The following MBD5 variants were observed in gnomAD, a reference collection of about 807,000 sequenced individuals.
MBD5 encodes methyl-CpG binding domain protein 5.
MBD5 carries 13 observed loss-of-function variants against 117.3 expected under a neutral mutation model. That is an observed-to-expected ratio of 0.11 (90% CI 0.07 to 0.18). The LOEUF (loss-of-function observed/expected upper bound fraction) is 0.18. Ranked by LOEUF, MBD5 falls within the 10% of genes least tolerant of loss-of-function variation. The probability of loss-of-function intolerance (pLI) is 1.00; values close to 1 mark genes in which losing one functional copy is unlikely to be tolerated. For missense variants in MBD5, 1,879 were observed against 2,093.8 expected (o/e 0.90, Z 2.00); for synonymous variants, 727 against 766.4 (o/e 0.95, Z 0.85).
chr2:148,274,730 T>G (rs28647742), intron 3 of MBD5, among the ~76,000 whole-genome samples: 1,925 of 151,508 alleles, frequency 0.013, 40 homozygotes, highest in African/African-American at 0.044. Context: ...TTTTTGTTTT[T>G]TTTTTTTTTG....
rs531193469 is a variant in MBD5, at chr2:148,261,357, G to C, written c.-680+27962G>C. On this transcript the variant is annotated intron_variant, in intron 3 of 13. Transcript: ENST00000642680. ...GAAAATCTGTTGTTTGTTCATCAAT[G>C]ATCTTAGCTAGATCTTCTAGATAAC... Among the ~76,000 whole-genome samples, 7 of 152,312 alleles carry C rather than the reference G, an allele frequency of 4.6e-5. No individual in the cohort carries two copies. In the South Asian group the frequency reaches 1.2e-3, roughly 27 times the overall value.
intron 2 of MBD5, among the ~76,000 whole-genome samples, chr2:148,197,351 T>TG (rs995572881): frequency 1.3e-5 from 2 of 152,134 alleles, no homozygotes; most frequent in African/African-American, 4.8e-5. Context: ...AAACTATCCC[T>TG]GCTGAACTCT....
At chr2:148,122,895 G>A (rs575679292) in intron 1 of MBD5, among the ~76,000 whole-genome samples, 5 of 152,258 alleles carry the variant, frequency 3.3e-5, no homozygotes, top group East Asian at 3.9e-4. Flanking sequence ...TACTTTCACT[G>A]TTGCCTTCTT....
intron 8 of MBD5, among the ~76,000 whole-genome samples, chr2:148,482,254 A>C (rs1161035308): frequency 6.6e-6 from 1 of 152,158 alleles, no homozygotes; most frequent in Non-Finnish European, 1.5e-5. Flanking sequence ...AAGAAGTGTT[A>C]ATAAGAATAA....
intron 1 of MBD5, among the ~76,000 whole-genome samples, chr2:148,110,848 A>C (rs933513395): frequency 6.6e-6 from 1 of 151,814 alleles, no homozygotes; most frequent in African/African-American, 2.4e-5. Flanking sequence ...TTTGTCTTCT[A>C]ACCCTCTTTT....
intron 11 of MBD5, among the ~76,000 whole-genome samples, chr2:148,496,294 A>G (rs1275216499): frequency 1.3e-5 from 2 of 152,222 alleles, no homozygotes; most frequent in Non-Finnish European, 1.5e-5. Flanking sequence ...CCAGGCCAAT[A>G]AAGTCAATTC....
intron 3 of MBD5, among the ~76,000 whole-genome samples, chr2:148,259,080 A>G (rs1700669466): frequency 6.6e-6 from 1 of 152,098 alleles, no homozygotes; most frequent in Non-Finnish European, 1.5e-5. Context: ...CCTGCTGCAT[A>G]CCCATCTCCC....
intron 2 of MBD5, among the ~76,000 whole-genome samples, chr2:148,232,188 G>A (rs1001703071): frequency 3.3e-5 from 5 of 152,200 alleles, no homozygotes; most frequent in Non-Finnish European, 5.9e-5. Flanking sequence ...TACAGAATAC[G>A]AAACAAGAGG....
chr2:148,211,273 A>G (rs1699415906), intron 2 of MBD5, among the ~76,000 whole-genome samples: 1 of 151,918 alleles, frequency 6.6e-6, no homozygotes, highest in African/African-American at 2.4e-5. Context: ...TCATTTTTCT[A>G]GTTGGATCTT....
chr2:148,148,968 T>G (rs901086480), intron 1 of MBD5, among the ~76,000 whole-genome samples: 5 of 152,198 alleles, frequency 3.3e-5, no homozygotes, highest in African/African-American at 1.2e-4. Flanking sequence ...CTTTAAGTTT[T>G]ACGGTACATG....
chr2:148,237,154 A>G (rs908513384), intron 3 of MBD5, among the ~76,000 whole-genome samples: 1 of 152,232 alleles, frequency 6.6e-6, no homozygotes, highest in African/African-American at 2.4e-5. Flanking sequence ...TATCCATGCC[A>G]CTAAAAGTTT....
intron 4 of MBD5, among the ~76,000 whole-genome samples, chr2:148,376,272 C>CTTTTTT (rs11304653): frequency 3.0e-5 from 4 of 131,342 alleles, no homozygotes; most frequent in Non-Finnish European, 6.4e-5. Context: ...CTTTTCTTTT[C>CTTTTTT]TTTTTTTTTT....
chr2:148,230,457 TGACCCAGAGCAGGTCCA>T (rs1178924919), intron 2 of MBD5, among the ~76,000 whole-genome samples: 1 of 152,092 alleles, frequency 6.6e-6, no homozygotes, highest in Non-Finnish European at 1.5e-5. Context: ...GGCTGTCCTC[TGACCCAGAGCAGGTCCA>T]GAAATTCTAT....
chr2:148,411,790 A>G (rs1167694007), intron 4 of MBD5, among the ~76,000 whole-genome samples: 1 of 151,904 alleles, frequency 6.6e-6, no homozygotes, highest in Non-Finnish European at 1.5e-5. Flanking sequence ...TGCATTCTGT[A>G]GGTTGTCTGT....
At chr2:148,229,100 T>C (rs1699916776) in intron 2 of MBD5, among the ~76,000 whole-genome samples, 2 of 152,132 alleles carry the variant, frequency 1.3e-5, no homozygotes, top group South Asian at 4.1e-4. Context: ...TTTTTTTGTC[T>C]CTATTTCCTT....
intron 3 of MBD5, among the ~76,000 whole-genome samples, chr2:148,335,158 G>A (rs184880978): frequency 2.2e-4 from 33 of 152,188 alleles, no homozygotes; most frequent in African/African-American, 8.0e-4. Flanking sequence ...ATAGGCCAAG[G>A]CAGGCAGATC....
intron 1 of MBD5, among the ~76,000 whole-genome samples, chr2:148,089,487 C>A (rs1392706262): frequency 6.6e-6 from 1 of 152,014 alleles, no homozygotes; most frequent in Non-Finnish European, 1.5e-5. Flanking sequence ...TAAATTATAT[C>A]AGGTACCCTC....
chr2:148,027,462 C>T (rs1472980814), intron 1 of MBD5: 1 of 151,936 alleles, frequency 6.6e-6, no homozygotes, highest in Non-Finnish European at 1.5e-5. Flanking sequence ...TGTGTCTCTT[C>T]TAAGTAAATA....
At chr2:148,150,056 G>T (rs1697601468) in intron 1 of MBD5, among the ~76,000 whole-genome samples, 1 of 119,660 alleles carries the variant, frequency 8.4e-6, no homozygotes, top group Non-Finnish European at 1.7e-5. Context: ...TTTTCTTCTA[G>T]GGTTTTGATG....
Sources: allele counts gnomAD v4.1 joint callset (sites outside exome capture counted in the v4.1 genomes callset), GRCh38; gene constraint gnomAD v4.1.1; transcripts MANE v1.5; gene names NCBI Gene and HGNC (gene_info 2026-07-23, HGNC 2026-07-21).